The following PRMT8 variants were observed in gnomAD, a reference collection of about 807,000 sequenced individuals.
The protein encoded by PRMT8 is protein arginine N-methyltransferase 8.
PRMT8 carries 7 observed loss-of-function variants against 47.1 expected under a neutral mutation model. That is an observed-to-expected ratio of 0.15 (90% confidence interval 0.08 to 0.28). PRMT8 has a LOEUF of 0.28. Among genes scored for constraint, PRMT8 ranks in the 10% least tolerant of loss-of-function variants. The pLI, the probability that PRMT8 is intolerant of heterozygous loss-of-function variation, is 1.00. For missense variants in PRMT8, 237 were observed against 505.4 expected (o/e 0.47, Z 5.09); for synonymous variants, 188 against 186.5 (o/e 1.01, Z -0.07).
intron 1 of PRMT8, among the ~76,000 whole-genome samples, chr12:3,393,038 C>T (rs1393351571): frequency 1.3e-5 from 2 of 152,070 alleles, no homozygotes; most frequent in Non-Finnish European, 2.9e-5. Flanking sequence ...TCATGTCCTT[C>T]ACCCACTTTT....
chr12:3,472,104 G>A (rs1865167967), intron 1 of PRMT8, among the ~76,000 whole-genome samples: 1 of 152,158 alleles, frequency 6.6e-6, no homozygotes. Context: ...TGTTCCTTGA[G>A]TCAGATCTCC....
intron 1 of PRMT8, among the ~76,000 whole-genome samples, chr12:3,481,545 G>A (rs1250601308): frequency 6.6e-6 from 1 of 152,174 alleles, no homozygotes; most frequent in Non-Finnish European, 1.5e-5. Flanking sequence ...TGAGAGTACT[G>A]GGATGCAGCA....
chr12:3,564,130 A>G lies in PRMT8; in HGVS notation c.482-4576A>G, dbSNP rs1866680447. Reference sequence around the variant, plus strand: ...AGGCAGCCAGCATGGGTGTCACCAAAATAGGTGTATGAGCAAGGACCAAGG... The same window carrying G: ...AGGCAGCCAGCATGGGTGTCACCAAGATAGGTGTATGAGCAAGGACCAAGG... On this transcript the variant is annotated intron_variant, in intron 4 of 9. Transcript: ENST00000382622. The surrounding 1 kb of genome is among the most constrained non-coding windows in gnomAD (Gnocchi z 4.0). Among the ~76,000 whole-genome samples, 1 of 152,124 alleles carries G rather than the reference A, an allele frequency of 6.6e-6. No homozygotes were observed. The highest frequency in any genetic ancestry group is 1.5e-5 in the Non-Finnish European group (1 of 68,016).
rs192528313 is a variant in PRMT8 at position 3,570,107 on chromosome 12, C to T, written c.712+543C>T. Among the ~76,000 whole-genome samples the T allele has an allele frequency of 1.3e-5, 2 of 151,568 alleles. No individual in the cohort carries two copies. The highest frequency in any genetic ancestry group is 2.0e-4 in the East Asian group (1 of 5,116). ...GGAGATTTTGCTTTGAACAATCAAA[C>T]GAAAGGCGAGTGTGCATGTGTGCAT... On this transcript the variant is annotated intron_variant, in intron 6 of 9. Transcript: ENST00000382622. This position sits in a 1 kb window ranked among gnomAD's most constrained non-coding sequence, Gnocchi z 5.5.
intron 1 of PRMT8, among the ~76,000 whole-genome samples, chr12:3,446,398 ACCGCCTCG>A (rs1864855815): frequency 6.6e-6 from 1 of 151,844 alleles, no homozygotes; most frequent in Non-Finnish European, 1.5e-5. Flanking sequence ...CTCTGTGGGC[ACCGCCTCG>A]GCCCCCAGCC....
At chr12:3,534,430 C>A (rs541592682) in intron 1 of PRMT8, among the ~76,000 whole-genome samples, 1 of 152,272 alleles carries the variant, frequency 6.6e-6, no homozygotes, top group South Asian at 2.1e-4. Context: ...CACCTTCACT[C>A]TCCTTCCTTA....
intron 1 of PRMT8, among the ~76,000 whole-genome samples, chr12:3,468,584 C>T (rs957195594): frequency 2.0e-5 from 3 of 152,182 alleles, no homozygotes; most frequent in Non-Finnish European, 4.4e-5. Context: ...CTCTTTCTTC[C>T]ATACACCAAC....
At chr12:3,513,318 G>A (rs75256989) in intron 1 of PRMT8, among the ~76,000 whole-genome samples, 4 of 152,270 alleles carry the variant, frequency 2.6e-5, no homozygotes, top group Non-Finnish European at 4.4e-5. Flanking sequence ...AAGCCTCTTT[G>A]CAGACCCCTG....
Position 3,388,968 on chromosome 12 carries a change from C to A in PRMT8, c.48+7526C>A, listed in dbSNP as rs1016838533. Among the ~76,000 whole-genome samples the A allele has an allele frequency of 2.0e-5, 3 of 152,140 alleles. No individual in the cohort carries two copies. In the South Asian group the frequency reaches 6.2e-4, roughly 32 times the overall value. On this transcript the variant is annotated intron_variant, in intron 1 of 9. Coordinates refer to the PRMT8 transcript ENST00000452611. ...ATAAATTATATTTTATTCCAGTGAA[C>A]CTTAGGCTGTGGAGTTCTGCTTTGA...
chr12:3,587,954 C>T (rs923569172), intron 8 of PRMT8, among the ~76,000 whole-genome samples: 3 of 150,864 alleles, frequency 2.0e-5, no homozygotes, highest in Admixed American at 6.6e-5. Flanking sequence ...CCAGTGGGCA[C>T]GGTGCCCCCC....
intron 2 of PRMT8, among the ~76,000 whole-genome samples, chr12:3,546,219 G>A (rs1301532947): frequency 1.1e-4 from 17 of 152,206 alleles, no homozygotes; most frequent in Admixed American, 1.1e-3. Flanking sequence ...GAAATTTACA[G>A]CTTCAAATGC....
rs74056241 is a variant in PRMT8, at chr12:3,579,678, G to A, written c.828+2692G>A. On this transcript the variant is annotated intron_variant, in intron 7 of 9. Coordinates refer to ENST00000382622, the MANE Select transcript of PRMT8 (RefSeq NM_019854.5). ...TGCTAGGCAACATCTTGCCGAGCCT[G>A]TTGGGAAAACACTTGCCCTTCTTCA... Among the ~76,000 whole-genome samples the A allele has an allele frequency of 6.2e-3, 948 of 152,272 alleles. 11 individuals are homozygous for A. The highest frequency in any genetic ancestry group is 0.022 in the African/African-American group (916 of 41,544).
intron 1 of PRMT8, among the ~76,000 whole-genome samples, chr12:3,413,758 G>A (rs530424954): frequency 1.3e-5 from 2 of 149,518 alleles, no homozygotes; most frequent in East Asian, 2.0e-4. Flanking sequence ...GACTGTATTC[G>A]GGGGAAAAAA....
chr12:3,506,745 G>A (rs940476300), intron 1 of PRMT8, among the ~76,000 whole-genome samples: 67 of 152,272 alleles, frequency 4.4e-4, no homozygotes, highest in African/African-American at 1.6e-3. Context: ...AGATAGACAC[G>A]CTGTCTCAGG....
rs937882241 is a variant in PRMT8 at position 3,436,226 on chromosome 12, G to C, written c.48+54784G>C. ...TAGGATCCAATCACACACTAAGTTCGTGTCAGTCCTGGAGAAATATTTAGT... is the reference window on the plus strand; with the variant it reads ...TAGGATCCAATCACACACTAAGTTCCTGTCAGTCCTGGAGAAATATTTAGT... On this transcript the variant is annotated intron_variant, in intron 1 of 9. Transcript: ENST00000452611. The surrounding 1 kb of genome is among the most constrained non-coding windows in gnomAD (Gnocchi z 4.2). Among the ~76,000 whole-genome samples, 1 of 152,194 alleles carries C rather than the reference G, an allele frequency of 6.6e-6. No homozygotes were observed. Among genetic ancestry groups the C allele is most frequent in the African/African-American group, 2.4e-5 (1 of 41,440 alleles).
At position 3,569,625 on chromosome 12, in the gene PRMT8, C is replaced by A; in HGVS notation, c.712+61C>A. ...TGCACAATTGGGGTGGGAGGCACTC[C>A]AGTGGGCCCGAGATGAGCAGGCAGT... On this transcript the variant is annotated intron_variant, in intron 6 of 9. Transcript: ENST00000382622. The surrounding 1 kb of genome is among the most constrained non-coding windows in gnomAD (Gnocchi z 8.2). The A allele has an allele frequency of 7.3e-7, 1 of 1,367,280 alleles. No individual in the cohort carries two copies. Among genetic ancestry groups the A allele is most frequent in the Non-Finnish European group, 1.0e-6 (1 of 955,414 alleles). The allele number at this position is 1,367,280 out of a possible 1,614,324, so 84.7% of individuals were successfully genotyped here. A position where few individuals can be genotyped will look rare whatever the true frequency, so the allele number is the denominator to read the frequency against.
intron 1 of PRMT8, among the ~76,000 whole-genome samples, chr12:3,408,471 A>G (rs1864395142): frequency 6.6e-6 from 1 of 152,194 alleles, no homozygotes; most frequent in Non-Finnish European, 1.5e-5. Flanking sequence ...TCATGGACTC[A>G]AGCGATCTTC....
intron 1 of PRMT8, among the ~76,000 whole-genome samples, chr12:3,415,539 A>C (rs1262297738): frequency 6.6e-6 from 1 of 152,230 alleles, no homozygotes; most frequent in Non-Finnish European, 1.5e-5. Flanking sequence ...ATACAAAAAT[A>C]CATCACTTTG....
intron 1 of PRMT8, among the ~76,000 whole-genome samples, chr12:3,475,013 A>G (rs1033743572): frequency 5.9e-5 from 9 of 152,092 alleles, no homozygotes; most frequent in Admixed American, 1.3e-4. Flanking sequence ...CCACCCTCAC[A>G]CTGTGAGGCT....
Sources: gnomAD v4.1 joint callset for allele counts (sites outside exome capture counted in the v4.1 genomes callset) on GRCh38, gnomAD v4.1.1 for gene constraint, Gnocchi (gnomAD v3.1) non-coding constraint, MANE v1.5 for transcripts, NCBI Gene and HGNC (gene_info 2026-07-23, HGNC 2026-07-21) for gene names.